The following IQCM variants were observed in gnomAD, a reference collection of about 807,000 sequenced individuals.
The protein encoded by IQCM is IQ motif containing M, also known as IQ domain-containing protein M.
Under a neutral mutation model 57.6 loss-of-function variants are expected in IQCM, and 45 were observed. The observed-to-expected ratio is 0.78, with a 90% CI of 0.62 to 1.00. The LOEUF (loss-of-function observed/expected upper bound fraction) is 1.00. Ranked by LOEUF, IQCM falls within the 50% of genes least tolerant of loss-of-function variation. The pLI, the probability that IQCM is intolerant of heterozygous loss-of-function variation, is 0.00. For synonymous variants in IQCM, 148 were observed against 158.9 expected, an observed-to-expected ratio of 0.93 and a Z score of 0.51; for missense variants, 468 against 511.6, an observed-to-expected ratio of 0.91 and a Z score of 0.82.
intron 5 of IQCM, among the ~76,000 whole-genome samples, chr4:149,701,115 T>C (rs1225601412): frequency 6.6e-6 from 1 of 151,938 alleles, no homozygotes; most frequent in African/African-American, 2.4e-5. Context: ...ATTTATAGGA[T>C]CACTCTAACA....
chr4:149,610,534 T>C (rs1231982788), intron 8 of IQCM, among the ~76,000 whole-genome samples: 2 of 151,784 alleles, frequency 1.3e-5, no homozygotes, highest in African/African-American at 4.8e-5. Context: ...AATAGACCAG[T>C]GGAACAGAAC....
intron 7 of IQCM, among the ~76,000 whole-genome samples, chr4:149,643,571 C>T (rs1758388438): frequency 6.6e-6 from 1 of 152,126 alleles, no homozygotes; most frequent in South Asian, 2.1e-4. Context: ...AGATCAGGCT[C>T]TGAGACTTAT....
At position 149,505,571 on chromosome 4, in the gene IQCM, T is replaced by A. The variant is rs563225039; in HGVS notation, c.1228+42884A>T. Among the ~76,000 whole-genome samples, 74 of 152,310 alleles carry A rather than the reference T, an allele frequency of 4.9e-4. 1 individual carries two copies. In the South Asian group the frequency reaches 0.015, roughly 32 times the overall value. Reference sequence around the variant, plus strand: ...ATAAAGAAAAGCATAAAGAAGCAAGTATAAATCATCTGAAATCCTGCCATC... The same window carrying A: ...ATAAAGAAAAGCATAAAGAAGCAAGAATAAATCATCTGAAATCCTGCCATC... On this transcript the variant is annotated intron_variant, in intron 12 of 13. Coordinates refer to ENST00000636793, the MANE Select transcript of IQCM (RefSeq NM_001363507.2).
intron 12 of IQCM, among the ~76,000 whole-genome samples, chr4:149,443,281 G>T (rs190974305): frequency 9.8e-4 from 149 of 152,112 alleles, no homozygotes; most frequent in Non-Finnish European, 1.8e-3. Context: ...GCAACATCTA[G>T]ATTAGTGTTT....
chr4:149,457,134 T>C (rs1737788204), intron 12 of IQCM, among the ~76,000 whole-genome samples: 1 of 152,140 alleles, frequency 6.6e-6, no homozygotes, highest in Non-Finnish European at 1.5e-5. Context: ...AATCATTTAT[T>C]TTTTTCTTAA....
At chr4:149,755,275 T>C (rs931111456) in intron 2 of IQCM, among the ~76,000 whole-genome samples, 2 of 152,114 alleles carry the variant, frequency 1.3e-5, no homozygotes, top group African/African-American at 4.8e-5. Context: ...ACATCCTCCA[T>C]TCAAAAGCTA....
chr4:149,491,705 C>T (rs1209426432), intron 12 of IQCM, among the ~76,000 whole-genome samples: 1 of 152,032 alleles, frequency 6.6e-6, no homozygotes, highest in Admixed American at 6.6e-5. Flanking sequence ...ATGAATAATG[C>T]TGTAATGAAC....
chr4:149,656,200 C>T (rs1759621673), intron 7 of IQCM, among the ~76,000 whole-genome samples: 1 of 151,994 alleles, frequency 6.6e-6, no homozygotes, highest in Non-Finnish European at 1.5e-5. Context: ...ATTATGCTAT[C>T]ATTATATTAA....
chr4:149,426,624 A>G (rs556905324), intron 13 of IQCM, among the ~76,000 whole-genome samples: 2 of 151,936 alleles, frequency 1.3e-5, no homozygotes, highest in Non-Finnish European at 2.9e-5. Flanking sequence ...CCATTTCCAC[A>G]TTGTATTACT....
chr4:149,444,622 C>T, intron 12 of IQCM, among the ~76,000 whole-genome samples: 1 of 151,238 alleles, frequency 6.6e-6, no homozygotes, highest in East Asian at 1.9e-4. Flanking sequence ...TGGAGACCAG[C>T]TATCACTCTA....
In IQCM at chr4:149,573,986, C is replaced by T. The variant is rs190010872; in HGVS notation, c.750-10096G>A. Among the ~76,000 whole-genome samples the T allele has an allele frequency of 9.5e-4, 144 of 151,840 alleles. 1 individual carries two copies. The highest frequency in any genetic ancestry group is 3.2e-3 in the African/African-American group (134 of 41,478). ...CAATAGTTAGGATGACTTGGGTAAC[C>T]GGCTTTAGGTTTTTGTTCATTTGTT... On this transcript the variant is annotated intron_variant, in intron 9 of 13. Transcript: ENST00000636793.
intron 12 of IQCM, among the ~76,000 whole-genome samples, chr4:149,453,535 C>A (rs1351863734): frequency 2.6e-5 from 4 of 151,632 alleles, no homozygotes; most frequent in Admixed American, 2.6e-4. Flanking sequence ...ATAAAAAAGA[C>A]AAAAAAATGT....
chr4:149,514,900 C>A (rs1276541880), intron 12 of IQCM, among the ~76,000 whole-genome samples: 1 of 152,104 alleles, frequency 6.6e-6, no homozygotes, highest in East Asian at 1.9e-4. Flanking sequence ...AGCCTCCCAG[C>A]CAACATCTTT....
intron 12 of IQCM, among the ~76,000 whole-genome samples, chr4:149,544,316 G>A (rs892252378): frequency 2.0e-5 from 3 of 151,996 alleles, no homozygotes; most frequent in African/African-American, 4.8e-5. Flanking sequence ...CCTTGCAATC[G>A]CATCAAAGAA....
At chr4:149,691,366 T>TA (rs1762926343) in intron 5 of IQCM, among the ~76,000 whole-genome samples, 1 of 152,150 alleles carries the variant, frequency 6.6e-6, no homozygotes, top group Non-Finnish European at 1.5e-5. Context: ...ACTGTACTTA[T>TA]TTATAGAGTA....
intron 7 of IQCM, among the ~76,000 whole-genome samples, chr4:149,670,464 T>G (rs1292744954): frequency 1.3e-5 from 2 of 152,186 alleles, no homozygotes; most frequent in African/African-American, 4.8e-5. Flanking sequence ...TTGAATACCC[T>G]TTATTTCTTT....
chr4:149,664,382 C>T (rs6835299), intron 7 of IQCM, among the ~76,000 whole-genome samples: 3,453 of 152,020 alleles, frequency 0.023, 101 homozygotes, highest in South Asian at 0.14. Context: ...TTTCTTAAGT[C>T]CCCACATTGA....
chr4:149,476,052 T>C (rs1464241212), intron 12 of IQCM, among the ~76,000 whole-genome samples: 1 of 152,036 alleles, frequency 6.6e-6, no homozygotes, highest in Non-Finnish European at 1.5e-5. Flanking sequence ...TGTATAATGA[T>C]AGGAAACATC....
chr4:149,763,915 G>A (rs922567468), intron 2 of IQCM, among the ~76,000 whole-genome samples: 2 of 151,980 alleles, frequency 1.3e-5, no homozygotes, highest in Non-Finnish European at 1.5e-5. Context: ...AACACTTGGT[G>A]ATCTTGGTGT....
Sources: allele counts gnomAD v4.1 joint callset (sites outside exome capture counted in the v4.1 genomes callset), GRCh38; gene constraint gnomAD v4.1.1; transcripts MANE v1.5; gene names NCBI Gene and HGNC (gene_info 2026-07-23, HGNC 2026-07-21).